The following ATXN7L1 variants were observed in gnomAD, a reference collection of about 807,000 sequenced individuals.
The protein encoded by ATXN7L1 is ataxin 7 like 1, also known as ataxin-7-like protein 1.
A neutral mutation model predicts 70.8 loss-of-function variants in ATXN7L1; 15 were observed. The ratio of observed to expected loss-of-function variants is 0.21; its 90% CI spans 0.14 to 0.33. ATXN7L1 has a LOEUF of 0.33. Among genes scored for constraint, ATXN7L1 ranks in the 10% least tolerant of loss-of-function variants. The pLI is 1.00. For missense variants in ATXN7L1, 975 were observed against 1,097.1 expected, an observed-to-expected ratio of 0.89 and a Z score of 1.57; for synonymous variants, 440 against 445.1, an observed-to-expected ratio of 0.99 and a Z score of 0.14.
intron 2 of ATXN7L1, among the ~76,000 whole-genome samples, chr7:105,815,184 C>T (rs1457597820): frequency 2.0e-5 from 3 of 152,266 alleles, no homozygotes; most frequent in East Asian, 3.9e-4. Context: ...GCCTGAAGAA[C>T]CAGGTATTAT....
intron 2 of ATXN7L1, among the ~76,000 whole-genome samples, chr7:105,867,947 C>T (rs1290967249): frequency 1.3e-5 from 2 of 152,134 alleles, no homozygotes; most frequent in Non-Finnish European, 2.9e-5. Context: ...GACAGCGCCC[C>T]CAAAAAGAAG....
chr7:105,734,890 A>C (rs552648811), intron 3 of ATXN7L1, among the ~76,000 whole-genome samples: 3 of 152,328 alleles, frequency 2.0e-5, no homozygotes, highest in African/African-American at 7.2e-5. Context: ...AATACCTATT[A>C]GAACATTCTT....
At chr7:105,729,277 AAATGAATG>A (rs529470626) in intron 3 of ATXN7L1, among the ~76,000 whole-genome samples, 1 of 139,002 alleles carries the variant, frequency 7.2e-6, no homozygotes, top group Non-Finnish European at 1.5e-5. Flanking sequence ...TATCAATAAT[AAATGAATG>A]AATGAATGAA....
intron 3 of ATXN7L1, among the ~76,000 whole-genome samples, chr7:105,694,547 C>T (rs1791461727): frequency 6.6e-6 from 1 of 152,214 alleles, no homozygotes; most frequent in Non-Finnish European, 1.5e-5. Context: ...GTGACTTTCC[C>T]AAGTTACACA....
At chr7:105,777,789 C>A (rs76832472) in intron 3 of ATXN7L1, among the ~76,000 whole-genome samples, 1 of 152,290 alleles carries the variant, frequency 6.6e-6, no homozygotes, top group African/African-American at 2.4e-5. Flanking sequence ...CTCAATACCC[C>A]CCAGTGTCTT....
At chr7:105,612,487 G>GC (rs147688724) in intron 10 of ATXN7L1, among the ~76,000 whole-genome samples, 1 of 152,116 alleles carries the variant, frequency 6.6e-6, no homozygotes, top group Non-Finnish European at 1.5e-5. Context: ...ATGTTCACAA[G>GC]CCCCCCGGGG....
rs1228479671 is a variant in ATXN7L1, at chr7:105,640,290, C to G, written c.863-721G>C. ...CACAGCTGCTCCCCGCCCCCACTGCCCTGGGTCTGATGCTTCACGTGGGAA... is the reference window on the plus strand; with the variant it reads ...CACAGCTGCTCCCCGCCCCCACTGCGCTGGGTCTGATGCTTCACGTGGGAA... On this transcript the variant is annotated intron_variant, in intron 5 of 11. Transcript: ENST00000419735. 2.6e-5 allele frequency among the ~76,000 whole-genome samples: 4 copies of G among 152,150 alleles called. No homozygotes were observed. The East Asian group carries it at 7.7e-4, about 29-fold the overall frequency.
At chr7:105,611,131 A>G (rs1793114047) in intron 10 of ATXN7L1, among the ~76,000 whole-genome samples, 1 of 152,216 alleles carries the variant, frequency 6.6e-6, no homozygotes, top group Non-Finnish European at 1.5e-5. Flanking sequence ...AAATAGCACG[A>G]TGGTGCTGGG....
chr7:105,799,242 T>A (rs572609883), intron 2 of ATXN7L1, among the ~76,000 whole-genome samples: 8 of 152,226 alleles, frequency 5.3e-5, no homozygotes, highest in Non-Finnish European at 1.0e-4. Flanking sequence ...GCAGCAGGCC[T>A]CAGCTGTCAA....
chr7:105,620,301 G>T lies in ATXN7L1; in HGVS notation c.1416C>A (p.Arg472=). ...ACACATAGTACCCTCGTCCCATGAG[G>T]CGACTCCCAAATGAGCAAAACTGTG... ...RPLAFCSFGS[R]LMGRGYYVFD... Residue 472 remains arginine, a synonymous_variant, in exon 9 of 12, where the codon CGC becomes CGA. Transcript: ENST00000419735. The T allele has an allele frequency of 6.5e-7, 1 of 1,550,222 alleles. No homozygotes were observed. The highest frequency in any genetic ancestry group is 8.7e-7 in the Non-Finnish European group (1 of 1,146,560).
chr7:105,665,499 T>A lies in ATXN7L1; in HGVS notation c.356-211A>T, dbSNP rs564526571. On this transcript the variant is annotated intron_variant, in intron 3 of 11. Transcript: ENST00000419735. ...AATAATTATGTTCTGGGTTTCTGTA[T>A]CAAATGGCATGCTCAACTAACATCA... 2.6e-5 allele frequency among the ~76,000 whole-genome samples: 4 copies of A among 152,332 alleles called. No individual in the cohort carries two copies. In the South Asian group the frequency reaches 8.3e-4, roughly 32 times the overall value.
chr7:105,776,738 C>T (rs949132997), intron 3 of ATXN7L1, among the ~76,000 whole-genome samples: 1 of 152,072 alleles, frequency 6.6e-6, no homozygotes, highest in Admixed American at 6.6e-5. Context: ...TGGAGGAGTG[C>T]TTCCTTCTGC....
At chr7:105,675,523 G>T (rs1804498833) in intron 3 of ATXN7L1, among the ~76,000 whole-genome samples, 1 of 152,156 alleles carries the variant, frequency 6.6e-6, no homozygotes, top group Non-Finnish European at 1.5e-5. Flanking sequence ...TACTCGGGAG[G>T]TTGAGGTGGG....
chr7:105,669,097 T>A (rs1019176790), intron 3 of ATXN7L1, among the ~76,000 whole-genome samples: 8 of 152,254 alleles, frequency 5.3e-5, no homozygotes, highest in African/African-American at 1.9e-4. Context: ...TCATATTTTA[T>A]TTTTTGAGAC....
At chr7:105,627,456 A>T (rs1480653015) in intron 7 of ATXN7L1, among the ~76,000 whole-genome samples, 1 of 151,810 alleles carries the variant, frequency 6.6e-6, no homozygotes, top group African/African-American at 2.4e-5. Flanking sequence ...GACTGGTCTC[A>T]AACTTGTGGC....
chr7:105,721,219 G>C (rs1448932141), intron 3 of ATXN7L1, among the ~76,000 whole-genome samples: 1 of 152,184 alleles, frequency 6.6e-6, no homozygotes, highest in East Asian at 1.9e-4. Flanking sequence ...GCACACAAGA[G>C]AGAGCTTCAG....
At chr7:105,757,357 T>C (rs1799929147) in intron 3 of ATXN7L1, among the ~76,000 whole-genome samples, 1 of 152,200 alleles carries the variant, frequency 6.6e-6, no homozygotes, top group Non-Finnish European at 1.5e-5. Flanking sequence ...TCAGGAGTTT[T>C]AAAACTCTGC....
intron 3 of ATXN7L1, among the ~76,000 whole-genome samples, chr7:105,711,637 A>T (rs1481932233): frequency 6.6e-6 from 1 of 152,252 alleles, no homozygotes; most frequent in African/African-American, 2.4e-5. Flanking sequence ...GGCAACACTG[A>T]CATAAGCAAT....
chr7:105,798,734 T>C (rs1806356085), intron 2 of ATXN7L1, among the ~76,000 whole-genome samples: 1 of 152,206 alleles, frequency 6.6e-6, no homozygotes, highest in Non-Finnish European at 1.5e-5. Context: ...TAAGTAGACT[T>C]TGGAATAAAA....
Sources: gnomAD v4.1 joint callset for allele counts (sites outside exome capture counted in the v4.1 genomes callset) on GRCh38, gnomAD v4.1.1 for gene constraint, MANE v1.5 for transcripts, NCBI Gene and HGNC (gene_info 2026-07-23, HGNC 2026-07-21) for gene names.